The following TENM4 variants were observed in gnomAD, a reference collection of about 807,000 sequenced individuals.
TENM4 encodes teneurin-4.
Under a neutral mutation model 243.3 loss-of-function variants are expected in TENM4, and 82 were observed. The observed-to-expected ratio is 0.34, with a 90% CI of 0.28 to 0.40. TENM4 has a LOEUF of 0.40. Among genes scored for constraint, TENM4 ranks in the 10% least tolerant of loss-of-function variants. TENM4 has a pLI of 1.00. For synonymous variants in TENM4, 1,412 were observed against 1,456.3 expected (o/e 0.97, Z 0.69); for missense variants, 3,138 against 3,673.3 (o/e 0.85, Z 3.77).
At position 78,736,479 on chromosome 11, in the gene TENM4, T is replaced by TGTGTGTGCGCGC. The variant is rs796898751; in HGVS notation, c.2876+1971_2876+1972insGCGCGCACACAC. Among the ~76,000 whole-genome samples, 605 of 99,332 alleles carry TGTGTGTGCGCGC rather than the reference T, an allele frequency of 6.1e-3. 3 individuals are homozygous for TGTGTGTGCGCGC. Among genetic ancestry groups the TGTGTGTGCGCGC allele is most frequent in the African/African-American group, 0.017 (571 of 33,826 alleles). 65.2% of individuals were successfully genotyped at this position (99,332 alleles called of 152,430 possible). A position where few individuals can be genotyped will look rare whatever the true frequency, so the allele number is the denominator to read the frequency against. On this transcript the variant is annotated intron_variant, in intron 20 of 33. Coordinates refer to ENST00000278550, the MANE Select transcript of TENM4 (RefSeq NM_001098816.3). Reference sequence around the variant, plus strand: ...GTGTGTGTGTGTGTGTGTGTGTGTGTGCGCGCGCGTGCATGTGAGTAGGGG... The same window carrying TGTGTGTGCGCGC: ...GTGTGTGTGTGTGTGTGTGTGTGTGTGTGTGTGCGCGCGCGCGCGCGTGCATGTGAGTAGGGG...
rs567454191 is a variant in TENM4 at position 78,968,440 on chromosome 11, A to G, written c.494-64917T>C. On this transcript the variant is annotated intron_variant, in intron 6 of 33. Transcript: ENST00000278550. Reference sequence around the variant, plus strand: ...GCTGGGAGCACAGGTGTGTGCCACCATGCCTAGCTAATTTTTTGTATTTTG... The same window carrying G: ...GCTGGGAGCACAGGTGTGTGCCACCGTGCCTAGCTAATTTTTTGTATTTTG... 6.3e-4 allele frequency among the ~76,000 whole-genome samples: 96 copies of G among 152,262 alleles called. 1 individual carries two copies. Among genetic ancestry groups the G allele is most frequent in the African/African-American group, 2.2e-3 (91 of 41,556 alleles).
intron 1 of TENM4, among the ~76,000 whole-genome samples, chr11:79,302,768 C>G (rs1490263705): frequency 6.6e-6 from 1 of 152,170 alleles, no homozygotes; most frequent in East Asian, 1.9e-4. Context: ...CCTATAGGGT[C>G]TCCAGGATGT....
chr11:78,974,955 G>A (rs1435893535), intron 6 of TENM4, among the ~76,000 whole-genome samples: 1 of 151,790 alleles, frequency 6.6e-6, no homozygotes, highest in Non-Finnish European at 1.5e-5. Context: ...AAAGTGCTGG[G>A]ATTACAGTGG....
chr11:79,325,651 T>C (rs929033166), intron 1 of TENM4, among the ~76,000 whole-genome samples: 1 of 152,200 alleles, frequency 6.6e-6, no homozygotes, highest in Admixed American at 6.5e-5. Flanking sequence ...GCAGTGTTTA[T>C]TATGAGCAAA....
chr11:79,320,494 G>T (rs779064825), intron 1 of TENM4, among the ~76,000 whole-genome samples: 9 of 152,112 alleles, frequency 5.9e-5, no homozygotes, highest in Non-Finnish European at 7.4e-5. Context: ...TAGTCCTCAC[G>T]AGCAGCTCCT....
chr11:79,337,512 G>A (rs1857166478), intron 1 of TENM4, among the ~76,000 whole-genome samples: 1 of 152,184 alleles, frequency 6.6e-6, no homozygotes, highest in Non-Finnish European at 1.5e-5. Flanking sequence ...GCAGAGACTG[G>A]GGTAGTTACC....
At chr11:78,660,355 A>T (rs937608239) in intron 33 of TENM4, among the ~76,000 whole-genome samples, 1 of 152,044 alleles carries the variant, frequency 6.6e-6, no homozygotes, top group Non-Finnish European at 1.5e-5. Flanking sequence ...AAAATGCTTC[A>T]TGCACCTACT....
At chr11:79,378,488 T>C (rs1230993954) in intron 1 of TENM4, among the ~76,000 whole-genome samples, 1 of 152,200 alleles carries the variant, frequency 6.6e-6, no homozygotes, top group Admixed American at 6.5e-5. Flanking sequence ...GTCTTTCTTC[T>C]GGAATCCCGG....
intron 6 of TENM4, among the ~76,000 whole-genome samples, chr11:78,983,701 G>A (rs1021190590): frequency 2.7e-5 from 4 of 147,588 alleles, no homozygotes; most frequent in African/African-American, 7.5e-5. Context: ...CTGTGGAGAG[G>A]AATCAGAAGA....
intron 6 of TENM4, among the ~76,000 whole-genome samples, chr11:79,025,107 A>T (rs551903171): frequency 2.6e-5 from 4 of 152,190 alleles, no homozygotes; most frequent in African/African-American, 7.2e-5. Flanking sequence ...AGACTCTTCC[A>T]GTTCAAAGAA....
chr11:78,821,028 G>T (rs1024927514), intron 12 of TENM4, among the ~76,000 whole-genome samples: 13 of 152,334 alleles, frequency 8.5e-5, no homozygotes, highest in African/African-American at 3.1e-4. Flanking sequence ...GTCTACAACA[G>T]TCTAGGTCAA....
chr11:79,263,220 C>T (rs998547624), intron 2 of TENM4, among the ~76,000 whole-genome samples: 4 of 152,332 alleles, frequency 2.6e-5, no homozygotes, highest in Admixed American at 6.5e-5. Context: ...CTGTGGGCCC[C>T]GTCAGGGCTC....
intron 4 of TENM4, among the ~76,000 whole-genome samples, chr11:79,106,294 T>C (rs921755194): frequency 2.6e-4 from 40 of 152,214 alleles, no homozygotes; most frequent in African/African-American, 7.7e-4. Context: ...GATGCTTTTA[T>C]TCATGGATCA....
At position 78,658,096 on chromosome 11, in the gene TENM4, T is replaced by C. The variant is rs372769324; in HGVS notation, c.8272A>G (p.Ile2758Val). 6.2e-7 allele frequency: 1 copy of C among 1,613,866 alleles called. No homozygotes were observed. The highest frequency in any genetic ancestry group is 1.1e-5 in the South Asian group (1 of 91,072). ...YPELSDSANN[I>V]HFMRQSEMGR... ...ATCTCGCTCTGTCTCATGAAGTGGA[T>C]GTTGTTGGCGCTGTCTGACAGTTCT... Residue 2758 changes from isoleucine to valine, a missense_variant, in exon 34 of 34, where the codon ATC (isoleucine) becomes GTC (valine). Transcript: ENST00000278550.
In TENM4 at chr11:78,863,087, C is replaced by A; in HGVS notation, c.1130G>T (p.Gly377Val). 1 of 1,531,394 alleles carries A rather than the reference C, an allele frequency of 6.5e-7. No homozygotes were observed. Among genetic ancestry groups the A allele is most frequent in the Non-Finnish European group, 8.8e-7 (1 of 1,132,072 alleles). 94.9% of individuals were successfully genotyped at this position (1,531,394 alleles called of 1,614,324 possible). A position where few individuals can be genotyped will look rare whatever the true frequency, so the allele number is the denominator to read the frequency against. ...GLNWHLQPME[G>V]QMYEITEDTA... Reference sequence around the variant, plus strand: ...GTCCTCCGTGATCTCATACATCTGCCCCTCCATCGGCTGCAGGTGCCAGTT... The same window carrying A: ...GTCCTCCGTGATCTCATACATCTGCACCTCCATCGGCTGCAGGTGCCAGTT... Residue 377 changes from glycine to valine, a missense_variant, in exon 10 of 34, where the codon GGG becomes GTG. Around this residue, in one of 2 missense-constraint regions of TENM4, gnomAD observed 671 missense variants for 614.1 expected, o/e 1.09. Coordinates refer to ENST00000278550, the MANE Select transcript of TENM4 (RefSeq NM_001098816.3).
intron 2 of TENM4, among the ~76,000 whole-genome samples, chr11:79,276,930 A>T (rs891262208): frequency 4.6e-5 from 7 of 151,686 alleles, no homozygotes; most frequent in Non-Finnish European, 1.5e-5. Flanking sequence ...CTGCTGCCTC[A>T]GGAAAGGGCT....
At position 79,373,067 on chromosome 11, in the gene TENM4, A is replaced by T. The variant is rs182897773; in HGVS notation, c.-321+67442T>A. Among the ~76,000 whole-genome samples, 70 of 152,346 alleles carry T rather than the reference A, an allele frequency of 4.6e-4. 1 individual carries two copies. The highest frequency in any genetic ancestry group is 1.7e-3 in the African/African-American group (69 of 41,580). On this transcript the variant is annotated intron_variant, in intron 1 of 33. Transcript: ENST00000278550. ...GGGCAGAGTTTTTCTTAATTATGAA[A>T]AAAATATATATCTAAAGACATTAAA...
At chr11:78,847,856 T>C (rs888567402) in intron 12 of TENM4, among the ~76,000 whole-genome samples, 1 of 152,214 alleles carries the variant, frequency 6.6e-6, no homozygotes, top group Non-Finnish European at 1.5e-5. Flanking sequence ...TGCAGGTTTT[T>C]ACACAAATTA....
Position 78,657,057 on chromosome 11 carries a change from C to T in TENM4, c.*1001G>A, listed in dbSNP as rs948077278. On this transcript the variant is annotated 3_prime_UTR_variant, in exon 34 of 34. Coordinates refer to ENST00000278550, the MANE Select transcript of TENM4 (RefSeq NM_001098816.3). ...AGAGAGAGGGCTTTGCCTCGGAAGG[C>T]AGGCTGGTGCCCTCGCCACCACTGC... is the stretch of plus-strand genomic sequence containing the variant. 7.5e-6 allele frequency: 3 copies of T among 398,568 alleles called. No individual in the cohort carries two copies. Among genetic ancestry groups the T allele is most frequent in the Non-Finnish European group, 1.3e-5 (3 of 226,124 alleles). The allele number at this position is 398,568 out of a possible 1,614,324, so 24.7% of individuals were successfully genotyped here. A position where few individuals can be genotyped will look rare whatever the true frequency, so the allele number is the denominator to read the frequency against.
Sources: gnomAD v4.1 joint callset for allele counts (sites outside exome capture counted in the v4.1 genomes callset) on GRCh38, gnomAD v4.1.1 for gene constraint, gnomAD v4.1.1 regional missense constraint, MANE v1.5 for transcripts, NCBI Gene and HGNC (gene_info 2026-07-23, HGNC 2026-07-21) for gene names.